Variants in GRM8 observed in about 807,000 individuals in gnomAD.
GRM8 encodes the protein metabotropic glutamate receptor 8.
A neutral mutation model predicts 87.2 loss-of-function variants in GRM8; 47 were observed. The observed-to-expected ratio is 0.54, with a 90% CI of 0.43 to 0.69. The LOEUF (loss-of-function observed/expected upper bound fraction) is 0.69. Ranked by LOEUF, GRM8 falls within the 30% of genes least tolerant of loss-of-function variation. GRM8 has a pLI of 0.00. For missense variants in GRM8, 1,019 were observed against 1,139.2 expected, an observed-to-expected ratio of 0.89 and a Z score of 1.52; for synonymous variants, 396 against 404.5, an observed-to-expected ratio of 0.98 and a Z score of 0.25.
chr7:126,783,937 T>C (rs1000291011), intron 6 of GRM8, among the ~76,000 whole-genome samples: 8 of 152,198 alleles, frequency 5.3e-5, no homozygotes, highest in African/African-American at 1.7e-4. Context: ...GCAGACCTCA[T>C]CTATAGCCTC....
At chr7:126,871,523 G>T (rs1221271461) in intron 6 of GRM8, among the ~76,000 whole-genome samples, 1 of 152,122 alleles carries the variant, frequency 6.6e-6, no homozygotes, top group South Asian at 2.1e-4. Flanking sequence ...TGTGTGCACT[G>T]GTTCAGGGAA....
Position 126,945,420 on chromosome 7 carries a change from A to T in GRM8, c.728-40737T>A, listed in dbSNP as rs369464845. Reference sequence around the variant, plus strand: ...CCTAATCTGAAAGTTTGAAATCCAAAATTCTCCAAAATTCAAAACTTTTTG... The same window carrying T: ...CCTAATCTGAAAGTTTGAAATCCAATATTCTCCAAAATTCAAAACTTTTTG... On this transcript the variant is annotated intron_variant, in intron 3 of 10. Coordinates refer to ENST00000339582, the MANE Select transcript of GRM8 (RefSeq NM_000845.3). Among the ~76,000 whole-genome samples, 13 of 152,296 alleles carry T rather than the reference A, an allele frequency of 8.5e-5. No individual in the cohort carries two copies. The East Asian group carries it at 1.5e-3, about 18-fold the overall frequency.
intron 7 of GRM8, among the ~76,000 whole-genome samples, chr7:126,650,200 A>T (rs1803653126): frequency 6.6e-6 from 1 of 152,176 alleles, no homozygotes; most frequent in Non-Finnish European, 1.5e-5. Context: ...TGGAAGTAGT[A>T]TATATGTGAT....
intron 2 of GRM8, among the ~76,000 whole-genome samples, chr7:127,213,929 T>C (rs1796367924): frequency 6.6e-6 from 1 of 152,172 alleles, no homozygotes; most frequent in Admixed American, 6.5e-5. Context: ...GAAAAAACGA[T>C]AGCCCAAAAC....
chr7:126,482,859 T>C (rs1440880783), intron 9 of GRM8, among the ~76,000 whole-genome samples: 1 of 151,864 alleles, frequency 6.6e-6, no homozygotes, highest in Non-Finnish European at 1.5e-5. Context: ...GGGAAAAACA[T>C]GACCATGGGC....
At chr7:126,665,063 A>C (rs1805614655) in intron 7 of GRM8, among the ~76,000 whole-genome samples, 2 of 152,182 alleles carry the variant, frequency 1.3e-5, no homozygotes, top group South Asian at 4.1e-4. Context: ...ACTACATGAG[A>C]TACCATCTCA....
At chr7:126,926,397 C>T (rs67993661) in intron 3 of GRM8, among the ~76,000 whole-genome samples, 13,963 of 152,086 alleles carry the variant, frequency 0.092, 676 homozygotes, top group Middle Eastern at 0.16. Flanking sequence ...CTGTTTCAAA[C>T]CCCAAATCCC....
intron 2 of GRM8, among the ~76,000 whole-genome samples, chr7:127,172,718 A>T (rs1793887415): frequency 6.6e-6 from 1 of 152,144 alleles, no homozygotes; most frequent in African/African-American, 2.4e-5. Flanking sequence ...CAAAAAAAAA[A>T]AAAAATCCAC....
At chr7:127,245,328 A>T (rs1798529456) in intron 1 of GRM8, among the ~76,000 whole-genome samples, 1 of 152,244 alleles carries the variant, frequency 6.6e-6, no homozygotes, top group African/African-American at 2.4e-5. Flanking sequence ...GTTCTGACAG[A>T]GTACAGACTA....
chr7:126,513,097 A>G (rs975899767), intron 9 of GRM8, among the ~76,000 whole-genome samples: 1 of 152,130 alleles, frequency 6.6e-6, no homozygotes, highest in Non-Finnish European at 1.5e-5. Context: ...CAGACAATGG[A>G]ATTATTTTCT....
intron 7 of GRM8, among the ~76,000 whole-genome samples, chr7:126,700,530 T>G (rs1172818439): frequency 6.6e-6 from 1 of 152,180 alleles, no homozygotes; most frequent in African/African-American, 2.4e-5. Flanking sequence ...CACTTGATTC[T>G]CATATTCTCA....
At chr7:126,711,184 G>A (rs1199470368) in intron 7 of GRM8, among the ~76,000 whole-genome samples, 3 of 152,050 alleles carry the variant, frequency 2.0e-5, no homozygotes, top group Non-Finnish European at 2.9e-5. Context: ...AAAACATAAA[G>A]TAAAATAAAA....
chr7:126,971,604 G>T lies in GRM8; in HGVS notation c.728-66921C>A, dbSNP rs148315769. ...ACTTAACTATTACACTACAATGGTA[G>T]CCACCTTCATCAAGGAACTTAGCTG... On this transcript the variant is annotated intron_variant, in intron 3 of 10. Coordinates refer to ENST00000339582, the MANE Select transcript of GRM8 (RefSeq NM_000845.3). 1.8e-3 allele frequency among the ~76,000 whole-genome samples: 278 copies of T among 152,276 alleles called. 1 individual carries two copies. Among genetic ancestry groups the T allele is most frequent in the African/African-American group, 6.5e-3 (271 of 41,544 alleles).
chr7:127,199,951 G>A (rs149272238), intron 2 of GRM8, among the ~76,000 whole-genome samples: 1 of 152,232 alleles, frequency 6.6e-6, no homozygotes, highest in Non-Finnish European at 1.5e-5. Flanking sequence ...AACCAGCAGT[G>A]CTTTAAGTTA....
At chr7:127,216,284 C>T (rs1324024498) in intron 2 of GRM8, among the ~76,000 whole-genome samples, 2 of 151,748 alleles carry the variant, frequency 1.3e-5, no homozygotes, top group East Asian at 3.9e-4. Context: ...TTTGGGAGGC[C>T]GAGGCGGGAG....
chr7:126,531,812 T>C (rs548735965), intron 9 of GRM8, among the ~76,000 whole-genome samples: 8 of 152,344 alleles, frequency 5.3e-5, no homozygotes, highest in Non-Finnish European at 1.2e-4. Flanking sequence ...CCCGTTGTTG[T>C]GGAAATTTTC....
At chr7:126,476,842 T>C (rs1333631518) in intron 9 of GRM8, among the ~76,000 whole-genome samples, 3 of 147,386 alleles carry the variant, frequency 2.0e-5, no homozygotes, top group Non-Finnish European at 3.0e-5. Flanking sequence ...TGAAGATTCC[T>C]CAAAAAAATA....
intron 9 of GRM8, among the ~76,000 whole-genome samples, chr7:126,464,058 ATCT>A (rs879294891): frequency 4.6e-5 from 7 of 151,646 alleles, no homozygotes; most frequent in South Asian, 2.1e-4. Context: ...GCATTTGAGT[ATCT>A]TCTTCTGAAA....
chr7:127,200,977 C>T (rs1207546216), intron 2 of GRM8, among the ~76,000 whole-genome samples: 1 of 152,198 alleles, frequency 6.6e-6, no homozygotes, highest in Non-Finnish European at 1.5e-5. Flanking sequence ...AAAATCTTCA[C>T]CAACTTCTCA....
Sources: gnomAD v4.1 joint callset for allele counts (sites outside exome capture counted in the v4.1 genomes callset) on GRCh38, gnomAD v4.1.1 for gene constraint, MANE v1.5 for transcripts, NCBI Gene and HGNC (gene_info 2026-07-23, HGNC 2026-07-21) for gene names.